B3GALT1: variants seen among roughly 807,000 people sequenced by gnomAD.
The protein encoded by B3GALT1 is beta-1,3-galactosyltransferase 1.
B3GALT1 carries 10 observed loss-of-function variants against 23.2 expected under a neutral mutation model. That is an observed-to-expected ratio of 0.43 (90% CI 0.27 to 0.73). The LOEUF (loss-of-function observed/expected upper bound fraction) is 0.73, where lower values mean the gene tolerates loss of function less well. Ranked by LOEUF, B3GALT1 falls within the 30% of genes least tolerant of loss-of-function variation. The probability of loss-of-function intolerance (pLI) is 0.21; values close to 1 mark genes in which losing one functional copy is unlikely to be tolerated. For synonymous variants in B3GALT1, 156 were observed against 141.5 expected, an observed-to-expected ratio of 1.10 and a Z score of -0.73; for missense variants, 299 against 405.4, an observed-to-expected ratio of 0.74 and a Z score of 2.25.
intron 3 of B3GALT1, among the ~76,000 whole-genome samples, chr2:167,781,719 G>T (rs926570009): frequency 1.3e-5 from 2 of 151,956 alleles, no homozygotes; most frequent in Non-Finnish European, 2.9e-5. Flanking sequence ...GAGGTGGGGG[G>T]TGTTGGCTGC....
chr2:167,317,386 C>G (rs978071052), intron 1 of B3GALT1, among the ~76,000 whole-genome samples: 7 of 152,172 alleles, frequency 4.6e-5, no homozygotes, highest in Admixed American at 3.9e-4. Flanking sequence ...GAAGGAAAAG[C>G]CAGGCTCTTC....
At chr2:167,532,989 A>G (rs997518206) in intron 2 of B3GALT1, among the ~76,000 whole-genome samples, 1 of 151,676 alleles carries the variant, frequency 6.6e-6, no homozygotes, top group African/African-American at 2.4e-5. Flanking sequence ...AGCCTCCAGA[A>G]TAGCTGAGAT....
chr2:167,397,161 G>C (rs2689843), intron 1 of B3GALT1, among the ~76,000 whole-genome samples: 140,912 of 152,036 alleles, frequency 0.93, 65,894 homozygotes, highest in Non-Finnish European at 0.99. Flanking sequence ...CTTTTTGTAT[G>C]ATTGATGATC....
At chr2:167,559,166 C>A (rs1683915202) in intron 2 of B3GALT1, among the ~76,000 whole-genome samples, 1 of 152,204 alleles carries the variant, frequency 6.6e-6, no homozygotes, top group African/African-American at 2.4e-5. Flanking sequence ...ATCCACTGTT[C>A]TGCAGACACC....
At chr2:167,563,302 G>C (rs529229629) in intron 2 of B3GALT1, among the ~76,000 whole-genome samples, 3,902 of 124,520 alleles carry the variant, frequency 0.031, 194 homozygotes, top group African/African-American at 0.11. Flanking sequence ...CAGTAGGGGC[G>C]GCCGGGCAGA....
intron 1 of B3GALT1, among the ~76,000 whole-genome samples, chr2:167,394,744 G>C (rs916403875): frequency 1.3e-5 from 2 of 152,306 alleles, no homozygotes; most frequent in South Asian, 2.1e-4. Context: ...ATGGGTGGAA[G>C]AAGAGACCAG....
intron 4 of B3GALT1, among the ~76,000 whole-genome samples, chr2:167,833,413 G>A (rs944324373): frequency 1.3e-5 from 2 of 152,084 alleles, no homozygotes; most frequent in African/African-American, 4.8e-5. Flanking sequence ...GAGGCACTAG[G>A]GATTATGGCA....
intron 1 of B3GALT1, among the ~76,000 whole-genome samples, chr2:167,386,014 A>T (rs1697925178): frequency 1.3e-5 from 2 of 152,196 alleles, no homozygotes; most frequent in Non-Finnish European, 2.9e-5. Flanking sequence ...TTAACTTTTT[A>T]TCTTTCTTCA....
At chr2:167,783,709 G>A (rs1191173829) in intron 3 of B3GALT1, among the ~76,000 whole-genome samples, 1 of 152,194 alleles carries the variant, frequency 6.6e-6, no homozygotes, top group African/African-American at 2.4e-5. Context: ...TCGGCAGGGG[G>A]CAGGGGGAAA....
intron 3 of B3GALT1, among the ~76,000 whole-genome samples, chr2:167,770,403 T>C (rs977159368): frequency 6.6e-6 from 1 of 152,268 alleles, no homozygotes. Context: ...GTCTTCCATA[T>C]ATTTTCCATT....
intron 2 of B3GALT1, among the ~76,000 whole-genome samples, chr2:167,493,624 A>G (rs561924585): frequency 3.3e-4 from 51 of 152,304 alleles, no homozygotes; most frequent in African/African-American, 1.2e-3. Flanking sequence ...CAAAGATAAA[A>G]TAGACATGTT....
intron 4 of B3GALT1, among the ~76,000 whole-genome samples, chr2:167,842,702 C>T (rs1050456775): frequency 4.0e-5 from 6 of 151,868 alleles, no homozygotes; most frequent in South Asian, 4.2e-4. Context: ...GACGAAACTC[C>T]GTCTCTACAA....
intron 2 of B3GALT1, among the ~76,000 whole-genome samples, chr2:167,535,049 G>A (rs1434129962): frequency 6.6e-6 from 1 of 152,148 alleles, no homozygotes; most frequent in Non-Finnish European, 1.5e-5. Flanking sequence ...TCACTTCTAG[G>A]ACCATGATCG....
rs1272873618 is a variant in B3GALT1, at chr2:167,716,086, G to A, written c.-352+69120G>A. On this transcript the variant is annotated intron_variant, in intron 3 of 4. Coordinates refer to ENST00000392690, the MANE Select transcript of B3GALT1 (RefSeq NM_020981.4). ...TCCATAGCGCCAAGCTGCTCTGGCG[G>A]TCACCGCAGTTAACACTGGCCACAA... The A allele has an allele frequency of 1.9e-6, 3 of 1,548,842 alleles. No individual in the cohort carries two copies. In the South Asian group the frequency reaches 3.4e-5, roughly 17 times the overall value.
intron 4 of B3GALT1, among the ~76,000 whole-genome samples, chr2:167,822,634 G>A (rs1008944912): frequency 6.6e-5 from 10 of 152,000 alleles, no homozygotes; most frequent in African/African-American, 1.7e-4. Flanking sequence ...ATTTCTTTTC[G>A]CCTTCTTACT....
chr2:167,373,457 T>C (rs891458963), intron 1 of B3GALT1, among the ~76,000 whole-genome samples: 11 of 152,096 alleles, frequency 7.2e-5, no homozygotes, highest in African/African-American at 2.7e-4. Context: ...AAATACGTAT[T>C]TCAGTCTAAA....
At chr2:167,662,397 C>A (rs989467741) in intron 3 of B3GALT1, among the ~76,000 whole-genome samples, 4 of 151,984 alleles carry the variant, frequency 2.6e-5, no homozygotes, top group African/African-American at 9.7e-5. Context: ...GTTTCATATG[C>A]CCTCTGTCCC....
In B3GALT1 at chr2:167,617,775, G is replaced by C. The variant is rs1047113121; in HGVS notation, c.-409-29134G>C. ...TAATTAATTAATGAGGAAAGTAGGG[G>C]CATCAAGGTTCTAATCTACTCCACA... On this transcript the variant is annotated intron_variant, in intron 2 of 4. Coordinates refer to ENST00000392690, the MANE Select transcript of B3GALT1 (RefSeq NM_020981.4). 7.2e-5 allele frequency among the ~76,000 whole-genome samples: 11 copies of C among 152,048 alleles called. No individual in the cohort carries two copies. In the East Asian group the frequency reaches 2.1e-3, roughly 29 times the overall value.
intron 1 of B3GALT1, among the ~76,000 whole-genome samples, chr2:167,415,023 T>C (rs1325971362): frequency 1.3e-5 from 2 of 152,240 alleles, no homozygotes; most frequent in East Asian, 1.9e-4. Flanking sequence ...CATTTAATTT[T>C]GTAGCAACTC....
Sources: allele counts gnomAD v4.1 joint callset (sites outside exome capture counted in the v4.1 genomes callset), GRCh38; gene constraint gnomAD v4.1.1; transcripts MANE v1.5; gene names NCBI Gene and HGNC (gene_info 2026-07-23, HGNC 2026-07-21).